KAT6A: variants seen among roughly 807,000 people sequenced by gnomAD.
KAT6A encodes histone acetyltransferase KAT6A.
A neutral mutation model predicts 198.4 loss-of-function variants in KAT6A; 9 were observed. The ratio of observed to expected loss-of-function variants is 0.05; its 90% confidence interval spans 0.03 to 0.08. The LOEUF (loss-of-function observed/expected upper bound fraction) is 0.08, where lower values mean the gene tolerates loss of function less well. KAT6A is among the 10% of genes least tolerant of loss of function. The pLI is 1.00. For missense variants in KAT6A, 2,077 were observed against 2,509.9 expected, an observed-to-expected ratio of 0.83 and a Z score of 3.69; for synonymous variants, 890 against 883.0, an observed-to-expected ratio of 1.01 and a Z score of -0.14.
At position 41,931,092 on chromosome 8, in the gene KAT6A, G is replaced by C. The variant is rs922039307; in HGVS notation, c.*1113C>G. 4.5e-6 allele frequency: 1 copy of C among 221,436 alleles called. No homozygotes were observed. Among genetic ancestry groups the C allele is most frequent in the African/African-American group, 2.2e-5 (1 of 44,472 alleles). The allele number at this position is 221,436 out of a possible 1,614,324, so 13.7% of individuals were successfully genotyped here. On this transcript the variant is annotated 3_prime_UTR_variant, in exon 17 of 17. Coordinates refer to ENST00000265713, the MANE Select transcript of KAT6A (RefSeq NM_006766.5). ...CCAACATAAAATAAACTGTTTCAAT[G>C]GTTTGTCAGTTATTTTTCAAATCAC...
intron 9 of KAT6A, among the ~76,000 whole-genome samples, chr8:41,952,498 T>C (rs959874979): frequency 6.6e-6 from 1 of 152,230 alleles, no homozygotes; most frequent in Non-Finnish European, 1.5e-5. Flanking sequence ...TCATTGTTTT[T>C]GATTTTTAAA....
intron 2 of KAT6A, among the ~76,000 whole-genome samples, chr8:42,022,856 A>G (rs1826617439): frequency 6.6e-6 from 1 of 152,254 alleles, no homozygotes; most frequent in South Asian, 2.1e-4. Context: ...ACAATGAAAC[A>G]TTACTAAGCC....
intron 2 of KAT6A, among the ~76,000 whole-genome samples, chr8:42,028,976 G>C (rs1293932626): frequency 6.6e-6 from 1 of 152,046 alleles, no homozygotes; most frequent in African/African-American, 2.4e-5. Context: ...ATTTCTTGTA[G>C]GGCCATCTAG....
At chr8:42,045,760 G>A (rs1331826502) in intron 2 of KAT6A, among the ~76,000 whole-genome samples, 1 of 149,688 alleles carries the variant, frequency 6.7e-6, no homozygotes, top group African/African-American at 2.5e-5. Context: ...GTCGCTTGAG[G>A]TCAGGAGTTG....
rs1316466065 is a variant in KAT6A, at chr8:41,934,057, T to C, written c.4163A>G (p.Gln1388Arg). 3.7e-6 allele frequency: 6 copies of C among 1,614,190 alleles called. No homozygotes were observed. The South Asian group carries it at 5.5e-5, about 15-fold the overall frequency. Reference protein sequence around the residue: ...PSHDTSVVSEQMAGSEDDHEE... With the variant: ...PSHDTSVVSERMAGSEDDHEE... ...GTGGTCGTCCTCAGACCCAGCCATC[T>C]GCTCTGACACCACGGACGTGTCATG... is the stretch of plus-strand genomic sequence containing the variant. The change falls in exon 17 of 17, where the codon CAG becomes CGG. Residue 1388 changes from glutamine (Q) to arginine (R), a missense_variant. Transcript: ENST00000265713.
chr8:41,949,106 C>T, intron 10 of KAT6A, 116 bp downstream of exon 10: 2 of 605,654 alleles, frequency 3.3e-6, no homozygotes, highest in Non-Finnish European at 5.1e-6. Flanking sequence ...ATAATTAGTA[C>T]TTTTTCCATT....
chr8:42,051,508 G>T (rs866804760), intron 1 of KAT6A, among the ~76,000 whole-genome samples: 1 of 146,004 alleles, frequency 6.8e-6, no homozygotes, highest in East Asian at 2.0e-4. Context: ...CGCCCCGAGG[G>T]AGAGCGGGCT....
At chr8:41,972,323 G>T (rs1310770597) in intron 8 of KAT6A, among the ~76,000 whole-genome samples, 2 of 152,180 alleles carry the variant, frequency 1.3e-5, no homozygotes, top group Non-Finnish European at 2.9e-5. Context: ...ATCATCTCTG[G>T]ATGCTAAATG....
rs144938298 is a variant in KAT6A at position 41,933,513 on chromosome 8, G to A, written c.4707C>T (p.Tyr1569=). Reference sequence around the variant, plus strand: ...AGATGCTGCCGCCCATCGTGGAGTCGTAACTGCTTGGGTTCTCATAGTTTT... The same window carrying A: ...AGATGCTGCCGCCCATCGTGGAGTCATAACTGCTTGGGTTCTCATAGTTTT... ...TTENYENPSS[Y]DSTMGGSICG... The change falls in exon 17 of 17, where the codon TAC becomes TAT. Residue 1569 remains tyrosine (Y), a synonymous_variant. Coordinates refer to ENST00000265713, the MANE Select transcript of KAT6A (RefSeq NM_006766.5). This position sits in a 1 kb window ranked among gnomAD's most constrained non-coding sequence, Gnocchi z 6.2. The A allele has an allele frequency of 3.7e-5, 60 of 1,614,112 alleles. No homozygotes were observed. The East Asian group carries it at 5.6e-4, about 15-fold the overall frequency.
chr8:41,984,109 T>C (rs185557748), intron 3 of KAT6A, among the ~76,000 whole-genome samples: 3 of 152,378 alleles, frequency 2.0e-5, no homozygotes, highest in African/African-American at 7.2e-5. Flanking sequence ...TATCCAGCTA[T>C]GCCCATGCTG....
At chr8:42,043,395 A>C (rs1044014627) in intron 2 of KAT6A, 1 of 152,222 alleles carries the variant, frequency 6.6e-6, no homozygotes, top group Non-Finnish European at 1.5e-5. Flanking sequence ...AATACAACTG[A>C]TCCCTACCTT....
chr8:42,015,894 C>G (rs1826249419), intron 2 of KAT6A, among the ~76,000 whole-genome samples: 1 of 152,194 alleles, frequency 6.6e-6, no homozygotes, highest in African/African-American at 2.4e-5. Flanking sequence ...TAGACACACT[C>G]TAGACATAGA....
intron 8 of KAT6A, chr8:41,958,237 G>A (rs892610513): frequency 6.6e-6 from 1 of 152,206 alleles, no homozygotes; most frequent in South Asian, 2.1e-4. Flanking sequence ...TTAAGGACTA[G>A]AGAAAATCAT....
At chr8:41,957,825 T>A (rs1822999171) in intron 8 of KAT6A, 2 of 152,666 alleles carry the variant, frequency 1.3e-5, no homozygotes, top group Non-Finnish European at 2.9e-5. Flanking sequence ...TAAGCTTCAA[T>A]TAAATGACTC....
intron 2 of KAT6A, among the ~76,000 whole-genome samples, chr8:42,026,107 G>A (rs1299107635): frequency 6.6e-6 from 1 of 152,100 alleles, no homozygotes; most frequent in Non-Finnish European, 1.5e-5. Flanking sequence ...TTATTTCTGA[G>A]TTCTCTATTC....
intron 2 of KAT6A, among the ~76,000 whole-genome samples, chr8:42,041,553 C>T (rs567354372): frequency 1.5e-3 from 235 of 152,254 alleles, no homozygotes; most frequent in African/African-American, 5.2e-3. Context: ...AACTGGCCAA[C>T]ATGGTGAAAC....
At chr8:42,017,889 T>A (rs1826350404) in intron 2 of KAT6A, among the ~76,000 whole-genome samples, 1 of 152,230 alleles carries the variant, frequency 6.6e-6, no homozygotes, top group African/African-American at 2.4e-5. Flanking sequence ...ATCTGTTTAC[T>A]GCTGAACTCA....
At chr8:41,998,305 T>C (rs1406276067) in intron 2 of KAT6A, among the ~76,000 whole-genome samples, 1 of 152,176 alleles carries the variant, frequency 6.6e-6, no homozygotes, top group Non-Finnish European at 1.5e-5. Flanking sequence ...TCCAATATCA[T>C]AAGAGTAACA....
intron 2 of KAT6A, among the ~76,000 whole-genome samples, 178 bp downstream of exon 2, chr8:42,048,200 A>T (rs1222020707): frequency 6.6e-6 from 1 of 152,168 alleles, no homozygotes; most frequent in Non-Finnish European, 1.5e-5. Flanking sequence ...CAAATATTTC[A>T]AAGTACCAGA....
Sources: gnomAD v4.1 joint callset for allele counts (sites outside exome capture counted in the v4.1 genomes callset) on GRCh38, gnomAD v4.1.1 for gene constraint, Gnocchi (gnomAD v3.1) non-coding constraint, MANE v1.5 for transcripts, NCBI Gene and HGNC (gene_info 2026-07-23, HGNC 2026-07-21) for gene names.